Variants in PALM observed in about 807,000 individuals in gnomAD.
PALM encodes paralemmin-1.
In PALM, 18 loss-of-function variants were observed where a neutral mutation model predicts 30.7. The observed-to-expected ratio is 0.59, with a 90% CI of 0.41 to 0.87. The LOEUF (loss-of-function observed/expected upper bound fraction) is 0.87, where lower values mean the gene tolerates loss of function less well. Among genes scored for constraint, PALM ranks in the 40% least tolerant of loss-of-function variants. The pLI is 0.00. For missense variants in PALM, 529 were observed against 555.4 expected, an observed-to-expected ratio of 0.95 and a Z score of 0.48; for synonymous variants, 286 against 242.8, an observed-to-expected ratio of 1.18 and a Z score of -1.66.
At position 736,153 on chromosome 19, in the gene PALM, T is replaced by C. The variant is rs536975346; in HGVS notation, c.502+75T>C. On this transcript the variant is annotated intron_variant, in intron 7 of 8. Transcript: ENST00000338448. ...CCAAGTCTCGGTCCGGGGGGCCGGGTGGGGCGGGGGCGACACCGACCTGCT... is the reference window on the plus strand; with the variant it reads ...CCAAGTCTCGGTCCGGGGGGCCGGGCGGGGCGGGGGCGACACCGACCTGCT... The C allele has an allele frequency of 1.1e-4, 75 of 659,350 alleles. No individual in the cohort carries two copies. In the African/African-American group the frequency reaches 1.2e-3, roughly 11 times the overall value. 40.8% of individuals were successfully genotyped at this position (659,350 alleles called of 1,614,324 possible).
rs535441100 is a variant in PALM, at chr19:746,114, G to A, written c.635-171G>A. On this transcript the variant is annotated intron_variant, in intron 8 of 8. Coordinates refer to ENST00000338448, the MANE Select transcript of PALM (RefSeq NM_002579.3). This position sits in a 1 kb window ranked among gnomAD's most constrained non-coding sequence, Gnocchi z 7.1. The stretch of plus-strand genomic sequence containing the variant: ...TTGGCTGCATCCACAGATGCCAACA[G>A]GGGGCTTTAATTGTCTGTCAGTTCT... Among the ~76,000 whole-genome samples the A allele has an allele frequency of 1.3e-5, 2 of 152,330 alleles. No individual in the cohort carries two copies. The highest frequency in any genetic ancestry group is 1.3e-4 in the Admixed American group (2 of 15,296).
intron 7 of PALM, among the ~76,000 whole-genome samples, chr19:738,841 G>A (rs939297189): frequency 1.3e-5 from 2 of 152,222 alleles, no homozygotes; most frequent in African/African-American, 2.4e-5. Context: ...GGCTGCCCAC[G>A]ATGGGGACCG....
intron 4 of PALM, 34 bp downstream of exon 4, chr19:727,728 G>A (rs2032734982): frequency 2.0e-6 from 3 of 1,515,756 alleles, no homozygotes; most frequent in South Asian, 1.3e-5. Flanking sequence ...ACCGGGCTGG[G>A]TGGGGCCTCG....
chr19:733,633 C>T (rs751795962), intron 5 of PALM, among the ~76,000 whole-genome samples: 5 of 152,146 alleles, frequency 3.3e-5, no homozygotes, highest in African/African-American at 4.8e-5. Flanking sequence ...ACGGAGGAGC[C>T]GGCTGGATTC....
At chr19:712,393 CT>C (rs532409064) in intron 1 of PALM, among the ~76,000 whole-genome samples, 55 of 146,772 alleles carry the variant, frequency 3.7e-4, no homozygotes, top group South Asian at 2.2e-3. Context: ...CTTGATCCTT[CT>C]TTTTTTTTTT....
chr19:727,868 G>C, intron 4 of PALM, 174 bp downstream of exon 4: 2 of 642,242 alleles, frequency 3.1e-6, no homozygotes, highest in Admixed American at 6.1e-5. Flanking sequence ...AGATCAGGTT[G>C]GGGCATCCAC....
At chr19:717,463 C>A (rs55836376) in intron 1 of PALM, among the ~76,000 whole-genome samples, 4,200 of 152,236 alleles carry the variant, frequency 0.028, 215 homozygotes, top group African/African-American at 0.095. Flanking sequence ...GCATCCGCGC[C>A]GTGGCCTGGG....
At chr19:719,849 C>T (rs540503713) in intron 1 of PALM, among the ~76,000 whole-genome samples, 22 of 152,116 alleles carry the variant, frequency 1.4e-4, no homozygotes, top group South Asian at 2.1e-4. Flanking sequence ...GGGGCTGACC[C>T]GGCCGCAGGA....
intron 8 of PALM, among the ~76,000 whole-genome samples, chr19:745,360 C>G (rs1439411014): frequency 1.3e-5 from 2 of 152,174 alleles, no homozygotes; most frequent in Non-Finnish European, 2.9e-5. Flanking sequence ...TGAATCCCTA[C>G]TTTTCAGGGT....
At chr19:730,793 A>G (rs2032845061) in intron 4 of PALM, among the ~76,000 whole-genome samples, 1 of 152,128 alleles carries the variant, frequency 6.6e-6, no homozygotes, top group Admixed American at 6.5e-5. Flanking sequence ...TGAGGTCGGG[A>G]GTTCAAGACC....
At chr19:733,172 C>T (rs1054554916) in intron 5 of PALM, among the ~76,000 whole-genome samples, 9 of 152,104 alleles carry the variant, frequency 5.9e-5, no homozygotes, top group African/African-American at 1.4e-4. Context: ...GTGATCCGCC[C>T]GCCTCGGCCT....
rs1166145920 is a variant in PALM at position 747,924 on chromosome 19, G to A, written c.*1110G>A. ...CACTCGTCCCCAGAGGCACATTCGT[G>A]CACATTCTCACAGACACCGTCTCAC... On this transcript the variant is annotated 3_prime_UTR_variant, in exon 9 of 9. Transcript: ENST00000338448. 1.3e-5 allele frequency: 2 copies of A among 152,636 alleles called. No homozygotes were observed. The highest frequency in any genetic ancestry group is 2.9e-5 in the Non-Finnish European group (2 of 68,072). 9.5% of individuals were successfully genotyped at this position (152,636 alleles called of 1,614,324 possible). A position where few individuals can be genotyped will look rare whatever the true frequency, so the allele number is the denominator to read the frequency against.
intron 5 of PALM, among the ~76,000 whole-genome samples, chr19:732,780 G>C (rs114846866): frequency 1.1e-4 from 16 of 152,188 alleles, no homozygotes; most frequent in African/African-American, 3.6e-4. Context: ...GGACCACCCA[G>C]GGAGGGTGGT....
intron 8 of PALM, among the ~76,000 whole-genome samples, chr19:745,904 C>A (rs1024909787): frequency 1.3e-5 from 2 of 150,988 alleles, no homozygotes; most frequent in Non-Finnish European, 3.0e-5. Flanking sequence ...ACTAAAAATA[C>A]AAAATTAGCT....
intron 7 of PALM, among the ~76,000 whole-genome samples, chr19:737,109 C>T (rs1479454157): frequency 3.3e-5 from 5 of 152,296 alleles, no homozygotes; most frequent in Admixed American, 1.3e-4. Context: ...CTGCCCAGGA[C>T]GGGACAGGGC....
intron 7 of PALM, 130 bp downstream of exon 7, chr19:736,208 T>C: frequency 3.0e-6 from 2 of 657,766 alleles, no homozygotes; most frequent in South Asian, 2.1e-5. Context: ...GCCGTGGTTA[T>C]GGGGGTGGCA....
chr19:741,517 GA>G (rs1568233470), intron 8 of PALM, among the ~76,000 whole-genome samples: 167 of 3,640 alleles, frequency 0.046, 50 homozygotes, highest in African/African-American at 0.078. Flanking sequence ...GGTGAGGGGA[GA>G]CGGGGTGAGG....
chr19:746,260 A>AT lies in PALM; in HGVS notation c.635-23dup. ...TGTCCCTCCTGCCTGGAGCTGGGTC[A>AT]TTCTCTCTGTCTCTCCTTGTACAGT... is the stretch of plus-strand genomic sequence containing the variant. On this transcript the variant is annotated intron_variant, in intron 8 of 8. Transcript: ENST00000338448. The surrounding 1 kb of genome is among the most constrained non-coding windows in gnomAD (Gnocchi z 7.1). 1.2e-6 allele frequency: 2 copies of AT among 1,601,014 alleles called. No homozygotes were observed. Among genetic ancestry groups the AT allele is most frequent in the Non-Finnish European group, 1.7e-6 (2 of 1,173,140 alleles).
At chr19:741,882 T>G (rs1766592847) in intron 8 of PALM, among the ~76,000 whole-genome samples, 1 of 152,158 alleles carries the variant, frequency 6.6e-6, no homozygotes, top group Non-Finnish European at 1.5e-5. Flanking sequence ...AGTTTCACTC[T>G]GTCGCCCGGC....
Sources: gnomAD v4.1 joint callset for allele counts (sites outside exome capture counted in the v4.1 genomes callset) on GRCh38, gnomAD v4.1.1 for gene constraint, Gnocchi (gnomAD v3.1) non-coding constraint, MANE v1.5 for transcripts, NCBI Gene and HGNC (gene_info 2026-07-23, HGNC 2026-07-21) for gene names.